The following SMC4 variants were observed in gnomAD, a reference collection of about 807,000 sequenced individuals.
SMC4 encodes the protein structural maintenance of chromosomes 4, also known as structural maintenance of chromosomes protein 4.
In SMC4, 87 loss-of-function variants were observed where a neutral mutation model predicts 145.6. The ratio of observed to expected loss-of-function variants is 0.60; its 90% CI spans 0.50 to 0.71. SMC4 has a LOEUF of 0.71. Among genes scored for constraint, SMC4 ranks in the 30% least tolerant of loss-of-function variants. The pLI is 0.00. For missense variants in SMC4, 1,447 were observed against 1,537.1 expected (o/e 0.94, Z 0.98); for synonymous variants, 558 against 500.7 (o/e 1.11, Z -1.53).
chr3:160,424,940 T>G lies in SMC4; in HGVS notation c.2399T>G (p.Leu800Arg), dbSNP rs1002292075. 1 of 1,613,626 alleles carries G rather than the reference T, an allele frequency of 6.2e-7. No individual in the cohort carries two copies. Among genetic ancestry groups the G allele is most frequent in the Non-Finnish European group, 8.5e-7 (1 of 1,179,944 alleles). The change falls in exon 16 of 24, where the codon CTT (leucine) becomes CGT (arginine). Residue 800 changes from leucine (L) to arginine (R), a missense_variant. Physicochemically the swap from Leu to Arg is moderately radical, Grantham distance 102. Coordinates refer to ENST00000357388, the MANE Select transcript of SMC4 (RefSeq NM_001002800.3). ...AMQIQEQKVQ[L>R]EERVVKLRHS... is the part of the protein sequence containing the mutation. ...CAAATCCAAGAACAGAAAGTACAAC[T>G]TGAAGAAAGAGTAGTTAAGTTACGG... is the stretch of plus-strand genomic sequence containing the variant.
chr3:160,410,715 TTATTGAA>T (rs1299044502), intron 5 of SMC4, among the ~76,000 whole-genome samples: 1 of 152,190 alleles, frequency 6.6e-6, no homozygotes, highest in Non-Finnish European at 1.5e-5. Flanking sequence ...TTGTCCACTG[TTATTGAA>T]TTGTTTACTT....
chr3:160,422,712 CA>C (rs1717312446), intron 13 of SMC4, among the ~76,000 whole-genome samples: 1 of 152,094 alleles, frequency 6.6e-6, no homozygotes, highest in Non-Finnish European at 1.5e-5. Flanking sequence ...GTATCATACC[CA>C]AGAAACCACT....
intron 18 of SMC4, among the ~76,000 whole-genome samples, chr3:160,429,671 A>C (rs1374369429): frequency 6.6e-6 from 1 of 150,482 alleles, no homozygotes; most frequent in Non-Finnish European, 1.5e-5. Context: ...AATACCTAGA[A>C]GATTTCATTG....
intron 12 of SMC4, chr3:160,420,526 G>GA: frequency 4.4e-6 from 2 of 450,428 alleles, no homozygotes; most frequent in Non-Finnish European, 7.7e-6. Context: ...TTCATAAAAT[G>GA]AAAACAGTTC....
At chr3:160,412,876 A>G in intron 7 of SMC4, 1 of 915,758 alleles carries the variant, frequency 1.1e-6, no homozygotes, top group Non-Finnish European at 1.3e-6. Flanking sequence ...TTATTACTGT[A>G]CTCAGTCCTT....
chr3:160,421,101 T>C (rs762626524), intron 13 of SMC4, among the ~76,000 whole-genome samples, 200 bp downstream of exon 13: 2 of 152,064 alleles, frequency 1.3e-5, no homozygotes, highest in Non-Finnish European at 2.9e-5. Context: ...AGCTAATTTT[T>C]TTGTATTTTC....
intron 23 of SMC4, 148 bp from the exon 24 acceptor site, chr3:160,433,509 T>C (rs1012860688): frequency 1.7e-6 from 1 of 583,640 alleles, no homozygotes; most frequent in Non-Finnish European, 2.9e-6. Context: ...CCTTTCACAC[T>C]CAAATACTGT....
chr3:160,404,709 G>A, intron 5 of SMC4: 1 of 706,720 alleles, frequency 1.4e-6, no homozygotes. Flanking sequence ...TTCATCATCA[G>A]ATGTTCGTTT....
At chr3:160,423,971 A>G (rs987599791) in intron 15 of SMC4, 131 bp downstream of exon 15, 7 of 553,600 alleles carry the variant, frequency 1.3e-5, no homozygotes, top group Non-Finnish European at 2.2e-5. Flanking sequence ...CGTTTTCTAT[A>G]AATGACTAGG....
intron 16 of SMC4, among the ~76,000 whole-genome samples, chr3:160,425,607 C>T (rs1717709843): frequency 6.6e-6 from 1 of 151,886 alleles, no homozygotes; most frequent in African/African-American, 2.4e-5. Flanking sequence ...CATAATTTGA[C>T]AAATTTTTTT....
chr3:160,413,862 A>G, intron 8 of SMC4: 1 of 324,744 alleles, frequency 3.1e-6, no homozygotes, highest in East Asian at 8.3e-5. Flanking sequence ...ACAAACAATA[A>G]GCATTTGGCT....
rs767440692 is a variant in SMC4 at position 160,420,912 on chromosome 3, G to A, written c.2019+11G>A. 20 of 1,584,318 alleles carry A rather than the reference G, an allele frequency of 1.3e-5. No homozygotes were observed. In the East Asian group the frequency reaches 1.8e-4, roughly 14 times the overall value. On this transcript the variant is annotated intron_variant, in intron 13 of 23. Coordinates refer to ENST00000357388, the MANE Select transcript of SMC4 (RefSeq NM_001002800.3). Reference sequence around the variant, plus strand: ...ATAGGTTTAGATAAGGTGGGTATTCGTAATAACCTACCTATAATTGGAATT... The same window carrying A: ...ATAGGTTTAGATAAGGTGGGTATTCATAATAACCTACCTATAATTGGAATT...
At chr3:160,427,710 T>A (rs578068770) in intron 17 of SMC4, among the ~76,000 whole-genome samples, 33 of 152,308 alleles carry the variant, frequency 2.2e-4, no homozygotes, top group African/African-American at 7.5e-4. Flanking sequence ...AATTAAATAT[T>A]TTCAACTATT....
At chr3:160,420,510 G>A in intron 12 of SMC4, 2 of 431,442 alleles carry the variant, frequency 4.6e-6, no homozygotes, top group East Asian at 9.4e-5. Context: ...TAAGCTTCAT[G>A]TTGTTTTCAT....
At chr3:160,432,175 C>T in intron 21 of SMC4, 108 bp from the exon 22 acceptor site, 4 of 872,694 alleles carry the variant, frequency 4.6e-6, no homozygotes, top group Non-Finnish European at 7.1e-6. Flanking sequence ...GCACTCCAGC[C>T]TGGGCGTCAG....
chr3:160,421,881 C>T (rs946495365), intron 13 of SMC4, among the ~76,000 whole-genome samples: 1 of 152,188 alleles, frequency 6.6e-6, no homozygotes. Context: ...CAGTAACAGT[C>T]GCTCCCTATA....
intron 6 of SMC4, 40 bp from the exon 7 acceptor site, chr3:160,412,286 T>C (rs997993815): frequency 1.9e-6 from 3 of 1,552,622 alleles, no homozygotes; most frequent in African/African-American, 2.8e-5. Context: ...ATTGTACATA[T>C]GAAGTGTGTA....
rs750878316 is a variant in SMC4, at chr3:160,420,721, C to G, written c.1858-19C>G. 1.2e-6 allele frequency: 2 copies of G among 1,606,522 alleles called. No homozygotes were observed. Among genetic ancestry groups the G allele is most frequent in the Admixed American group, 3.5e-5 (2 of 57,866 alleles). ...GCTTTTCTGCCTAACTCTTTTTTCA[C>G]CCCACTCTTCATTATTAGGGGGACT... is the stretch of plus-strand genomic sequence containing the variant. On this transcript the variant is annotated intron_variant, in intron 12 of 23. Transcript: ENST00000357388.
At chr3:160,431,464 T>A (rs1324582690) in intron 20 of SMC4, among the ~76,000 whole-genome samples, 179 bp from the exon 21 acceptor site, 1 of 152,170 alleles carries the variant, frequency 6.6e-6, no homozygotes, top group African/African-American at 2.4e-5. Flanking sequence ...AAGAAAAGAT[T>A]ACATGGACAC....
Sources: allele counts gnomAD v4.1 joint callset (sites outside exome capture counted in the v4.1 genomes callset), GRCh38; gene constraint gnomAD v4.1.1; transcripts MANE v1.5; gene names NCBI Gene and HGNC (gene_info 2026-07-23, HGNC 2026-07-21).